The following TUBA4A variants were observed in gnomAD, a reference collection of about 807,000 sequenced individuals.
The protein encoded by TUBA4A is tubulin alpha 4a.
TUBA4A carries 23 observed loss-of-function variants against 34.3 expected under a neutral mutation model. The observed-to-expected ratio is 0.67, with a 90% CI of 0.48 to 0.95. TUBA4A has a LOEUF of 0.95. Ranked by LOEUF, TUBA4A falls within the 40% of genes least tolerant of loss-of-function variation. TUBA4A has a pLI of 0.00. For missense variants in TUBA4A, 279 were observed against 599.0 expected, an observed-to-expected ratio of 0.47 and a Z score of 5.58; for synonymous variants, 216 against 230.5, an observed-to-expected ratio of 0.94 and a Z score of 0.57.
At chr2:219,254,042 G>A, upstream of TUBA4A, 1 of 533,174 alleles carries the variant, frequency 1.9e-6, no homozygotes, top group East Asian at 3.5e-5. Flanking sequence ...CGGCCCCCCC[G>A]AGGGGCGGAG....
chr2:219,253,764 G>A (rs1275329577), intron 1 of TUBA4A, 92 bp downstream of exon 1: 2 of 1,463,114 alleles, frequency 1.4e-6, no homozygotes, highest in Admixed American at 2.2e-5. Context: ...CGGAACGCCC[G>A]GTGGAGGTCC....
chr2:219,253,376 A>T (rs1383886208), intron 1 of TUBA4A: 1 of 1,532,696 alleles, frequency 6.5e-7, no homozygotes, highest in Non-Finnish European at 8.7e-7. Context: ...GGTTCTGTGG[A>T]TAGTTGGAAT....
intron 1 of TUBA4A, chr2:219,253,455 C>T: frequency 2.1e-6 from 3 of 1,454,792 alleles, no homozygotes; most frequent in Non-Finnish European, 1.9e-6. Flanking sequence ...GCGCCAAGCA[C>T]GTGCTCGGTC....
chr2:219,250,714 T>C lies in TUBA4A; in HGVS notation c.985A>G (p.Asn329Asp). ...GTCTTGATGGCGGCAATGGCAGCGT[T>C]GACATCCTTGGGCACCACATCTCCA... The part of the protein sequence containing the change: ...YRGDVVPKDV[N>D]AAIAAIKTKR... Residue 329 changes from asparagine (N) to aspartate (D), a missense_variant, in exon 4 of 4, where the codon AAC becomes GAC. Physicochemically the swap from Asn to Asp is conservative, Grantham distance 23. Coordinates refer to ENST00000248437, the MANE Select transcript of TUBA4A (RefSeq NM_006000.3). The surrounding 1 kb of genome is among the most constrained non-coding windows in gnomAD (Gnocchi z 8.4). 1 of 1,614,212 alleles carries C rather than the reference T, an allele frequency of 6.2e-7. No homozygotes were observed.
chr2:219,253,961 C>T (rs948042696), upstream of TUBA4A: 4 of 1,082,488 alleles, frequency 3.7e-6, no homozygotes, highest in Admixed American at 4.0e-5. Flanking sequence ...GGGGGGGGGG[C>T]GGGGCCCGCG....
Position 219,250,339 on chromosome 2 carries a change from C to G in TUBA4A, c.*13G>C, listed in dbSNP as rs1292271010. ...TTGCAATAAACATAGTGAATAGGCT[C>G]CAGGCAGCTGCTTTATTCTTCTCCC... is the stretch of plus-strand genomic sequence containing the variant. On this transcript the variant is annotated 3_prime_UTR_variant, in exon 4 of 4. Coordinates refer to ENST00000248437, the MANE Select transcript of TUBA4A (RefSeq NM_006000.3). The surrounding 1 kb of genome is among the most constrained non-coding windows in gnomAD (Gnocchi z 8.4). 6.3e-7 allele frequency: 1 copy of G among 1,599,716 alleles called. No individual in the cohort carries two copies. Among genetic ancestry groups the G allele is most frequent in the African/African-American group, 1.3e-5 (1 of 74,508 alleles).
chr2:219,251,791 G>A lies in TUBA4A; in HGVS notation c.227-78C>T. ...GGGTGGTAGCTGTGGCCAGATGCATGGAAGGACTCATCCTCCTGCCAGCCT... is the reference window on the plus strand; with the variant it reads ...GGGTGGTAGCTGTGGCCAGATGCATAGAAGGACTCATCCTCCTGCCAGCCT... On this transcript the variant is annotated intron_variant, in intron 2 of 3. Transcript: ENST00000248437. The surrounding 1 kb of genome is among the most constrained non-coding windows in gnomAD (Gnocchi z 6.1). 6.5e-7 allele frequency: 1 copy of A among 1,533,122 alleles called. No homozygotes were observed. Among genetic ancestry groups the A allele is most frequent in the African/African-American group, 1.4e-5 (1 of 73,260 alleles). The allele number at this position is 1,533,122 out of a possible 1,614,324, so 95.0% of individuals were successfully genotyped here.
chr2:219,252,327 G>T lies in TUBA4A; in HGVS notation c.4-97C>A. On this transcript the variant is annotated intron_variant, in intron 1 of 3. Coordinates refer to ENST00000248437, the MANE Select transcript of TUBA4A (RefSeq NM_006000.3). The surrounding 1 kb of genome is among the most constrained non-coding windows in gnomAD (Gnocchi z 4.1). ...CACCCTATCATCTACCAGCTAGGAT[G>T]ACTCAGTTGGCAAGAGTGGAGGGTT... 8.4e-7 allele frequency: 1 copy of T among 1,190,338 alleles called. No homozygotes were observed. The highest frequency in any genetic ancestry group is 1.2e-6 in the Non-Finnish European group (1 of 837,396). 73.7% of individuals were successfully genotyped at this position (1,190,338 alleles called of 1,614,324 possible). A position where few individuals can be genotyped will look rare whatever the true frequency, so the allele number is the denominator to read the frequency against.
chr2:219,254,035 C>G (rs968347235), upstream of TUBA4A: 35 of 559,984 alleles, frequency 6.3e-5, no homozygotes, highest in Admixed American at 3.6e-4. Flanking sequence ...GGGTAAGCGG[C>G]CCCCCCGAGG....
chr2:219,253,198 C>T, intron 1 of TUBA4A: 3 of 1,497,980 alleles, frequency 2.0e-6, no homozygotes, highest in South Asian at 2.6e-5. Context: ...CCTCTCTCCC[C>T]TCCCCCCAAC....
At position 219,252,540 on chromosome 2, in the gene TUBA4A, G is replaced by GCC. The variant is rs769071340; in HGVS notation, c.4-312_4-311dup. Among the ~76,000 whole-genome samples, 1,192 of 140,408 alleles carry GCC rather than the reference G, an allele frequency of 8.5e-3. 5 individuals carry two copies. Among genetic ancestry groups the GCC allele is most frequent in the Non-Finnish European group, 0.01 (673 of 65,402 alleles). The allele number at this position is 140,408 out of a possible 152,430, so 92.1% of individuals were successfully genotyped here. A position where few individuals can be genotyped will look rare whatever the true frequency, so the allele number is the denominator to read the frequency against. ...TAGAGGTATGGGTTTACAGCTAGAG[G>GCC]CCCCCCCCCCACTTGATTAATTATT... On this transcript the variant is annotated intron_variant, in intron 1 of 3. Coordinates refer to ENST00000248437, the MANE Select transcript of TUBA4A (RefSeq NM_006000.3). This position sits in a 1 kb window ranked among gnomAD's most constrained non-coding sequence, Gnocchi z 4.1.
Position 219,252,350 on chromosome 2 carries a change from G to T in TUBA4A, c.4-120C>A, listed in dbSNP as rs60500076. 2.0e-6 allele frequency: 2 copies of T among 1,005,460 alleles called. No homozygotes were observed. The highest frequency in any genetic ancestry group is 1.5e-6 in the Non-Finnish European group (1 of 680,050). The allele number at this position is 1,005,460 out of a possible 1,614,324, so 62.3% of individuals were successfully genotyped here. On this transcript the variant is annotated intron_variant, in intron 1 of 3. Transcript: ENST00000248437. This position sits in a 1 kb window ranked among gnomAD's most constrained non-coding sequence, Gnocchi z 4.1. ...ATGACTCAGTTGGCAAGAGTGGAGGGTTGGGGCTGGGCAGAGGTGAGAAGA... is the reference window on the plus strand; with the variant it reads ...ATGACTCAGTTGGCAAGAGTGGAGGTTTGGGGCTGGGCAGAGGTGAGAAGA...
Position 219,250,628 on chromosome 2 carries a change from G to A in TUBA4A, c.1071C>T (p.Tyr357=). Reference sequence around the variant, plus strand: ...CCCCAGGCACCACAGTGGGAGGCTGGTAGTTGATACCAACCTTGAAGCCTG... The same window carrying A: ...CCCCAGGCACCACAGTGGGAGGCTGATAGTTGATACCAACCTTGAAGCCTG... The part of the protein sequence containing the change: ...CPTGFKVGIN[Y]QPPTVVPGGD... The change falls in exon 4 of 4, where the codon TAC becomes TAT. Residue 357 remains tyrosine (Y), a synonymous_variant. Coordinates refer to ENST00000248437, the MANE Select transcript of TUBA4A (RefSeq NM_006000.3). The surrounding 1 kb of genome is among the most constrained non-coding windows in gnomAD (Gnocchi z 8.4). The A allele has an allele frequency of 6.2e-7, 1 of 1,614,270 alleles. No individual in the cohort carries two copies. Among genetic ancestry groups the A allele is most frequent in the Non-Finnish European group, 8.5e-7 (1 of 1,180,048 alleles).
rs1951629410 is a variant in TUBA4A, at chr2:219,250,513, C to T, written c.1186G>A (p.Asp396Asn). 1.9e-6 allele frequency: 3 copies of T among 1,614,080 alleles called. No individual in the cohort carries two copies. Among genetic ancestry groups the T allele is most frequent in the Admixed American group, 1.7e-5 (1 of 60,012 alleles). Reference sequence around the variant, plus strand: ...AACGCCCTCTTGGCATACATCAGGTCGAACTTGTGGTCCAGGCGGGCCCAG... The same window carrying T: ...AACGCCCTCTTGGCATACATCAGGTTGAACTTGTGGTCCAGGCGGGCCCAG... ...EAWARLDHKF[D>N]LMYAKRAFVH... Residue 396 changes from aspartate (D) to asparagine (N), a missense_variant, in exon 4 of 4, where the codon GAC becomes AAC. Physicochemically the swap from Asp to Asn is conservative, Grantham distance 23 (BLOSUM62 1). Transcript: ENST00000248437. This position sits in a 1 kb window ranked among gnomAD's most constrained non-coding sequence, Gnocchi z 8.4.
At chr2:219,253,492 G>GT (rs1951683263) in intron 1 of TUBA4A, 15 of 1,247,934 alleles carry the variant, frequency 1.2e-5, no homozygotes, top group Non-Finnish European at 1.6e-5. Context: ...GACTGGGGAT[G>GT]TAAGAGGGCA....
At position 219,251,919 on chromosome 2, in the gene TUBA4A, G is replaced by A; in HGVS notation, c.226+89C>T. 6.9e-7 allele frequency: 1 copy of A among 1,442,258 alleles called. No homozygotes were observed. The highest frequency in any genetic ancestry group is 9.6e-7 in the Non-Finnish European group (1 of 1,045,678). 89.3% of individuals were successfully genotyped at this position (1,442,258 alleles called of 1,614,324 possible). A position where few individuals can be genotyped will look rare whatever the true frequency, so the allele number is the denominator to read the frequency against. Reference sequence around the variant, plus strand: ...GTACGGCTAGGAATTTTCAGGGCTAGGAATGCCTGGTCTAAATACCCTCTC... The same window carrying A: ...GTACGGCTAGGAATTTTCAGGGCTAAGAATGCCTGGTCTAAATACCCTCTC... On this transcript the variant is annotated intron_variant, in intron 2 of 3. Transcript: ENST00000248437. This position sits in a 1 kb window ranked among gnomAD's most constrained non-coding sequence, Gnocchi z 6.1.
rs1040453695 is a variant in TUBA4A at position 219,250,199 on chromosome 2, A to G, written c.*153T>C. 7.1e-6 allele frequency: 8 copies of G among 1,124,202 alleles called. No individual in the cohort carries two copies. The South Asian group carries it at 1.1e-4, about 15-fold the overall frequency. 69.6% of individuals were successfully genotyped at this position (1,124,202 alleles called of 1,614,324 possible). On this transcript the variant is annotated 3_prime_UTR_variant, in exon 4 of 4. Coordinates refer to ENST00000248437, the MANE Select transcript of TUBA4A (RefSeq NM_006000.3). The surrounding 1 kb of genome is among the most constrained non-coding windows in gnomAD (Gnocchi z 8.4). ...TCTCACCTTCAGCGATGGAAGGGAT[A>G]AGGGTCATGAACAGCAAACAGAGCA...
chr2:219,253,249 G>T, intron 1 of TUBA4A: 6 of 1,492,576 alleles, frequency 4.0e-6, no homozygotes, highest in East Asian at 4.9e-5. Flanking sequence ...AGCTGTCTCT[G>T]CCCATCCGCG....
Position 219,250,289 on chromosome 2 carries a change from G to A in TUBA4A, c.*63C>T. On this transcript the variant is annotated 3_prime_UTR_variant, in exon 4 of 4. Transcript: ENST00000248437. The surrounding 1 kb of genome is among the most constrained non-coding windows in gnomAD (Gnocchi z 8.4). ...TCAGAGGGAACAAGAAACCGTGCAA[G>A]GAAACTGTTTATTTCGAAAGGATTT... 6.5e-7 allele frequency: 1 copy of A among 1,545,048 alleles called. No individual in the cohort carries two copies. The highest frequency in any genetic ancestry group is 8.7e-7 in the Non-Finnish European group (1 of 1,146,268).
Sources: gnomAD v4.1 joint callset for allele counts (sites outside exome capture counted in the v4.1 genomes callset) on GRCh38, gnomAD v4.1.1 for gene constraint, Gnocchi (gnomAD v3.1) non-coding constraint, MANE v1.5 for transcripts, NCBI Gene and HGNC (gene_info 2026-07-23, HGNC 2026-07-21) for gene names.